The following COQ8A variants were observed in gnomAD, a reference collection of about 807,000 sequenced individuals.
The protein encoded by COQ8A is atypical kinase COQ8A, mitochondrial.
Under a neutral mutation model 65.0 loss-of-function variants are expected in COQ8A, and 51 were observed. That is an observed-to-expected ratio of 0.78 (90% CI 0.63 to 0.99). The LOEUF is 0.99. Ranked by LOEUF, COQ8A falls within the 50% of genes least tolerant of loss-of-function variation. The pLI is 0.00. For synonymous variants in COQ8A, 371 were observed against 353.2 expected (o/e 1.05, Z -0.57); for missense variants, 940 against 875.0 (o/e 1.07, Z -0.94).
At chr1:226,977,088 G>T (rs918477072) in intron 4 of COQ8A, among the ~76,000 whole-genome samples, 3 of 152,134 alleles carry the variant, frequency 2.0e-5, no homozygotes, top group Non-Finnish European at 2.9e-5. Flanking sequence ...GGTGACGTTG[G>T]TCTGTGGACC....
At chr1:226,979,084 TCTC>T (rs1317345859) in intron 5 of COQ8A, among the ~76,000 whole-genome samples, 9 of 152,182 alleles carry the variant, frequency 5.9e-5, no homozygotes, top group Non-Finnish European at 1.3e-4. Context: ...CCTGCAGGCT[TCTC>T]CTCACCAGCT....
intron 11 of COQ8A, 128 bp downstream of exon 11, chr1:226,984,363 GCACC>G: frequency 6.3e-6 from 9 of 1,434,668 alleles, no homozygotes; most frequent in Non-Finnish European, 8.6e-6. Flanking sequence ...CAGTGAAGTA[GCACC>G]AGTGGGACTT....
At position 226,982,176 on chromosome 1, in the gene COQ8A, C is replaced by CG. The variant is rs1471563828; in HGVS notation, c.853+30dup. 3.2e-6 allele frequency: 5 copies of CG among 1,554,312 alleles called. No individual in the cohort carries two copies. The African/African-American group carries it at 6.8e-5, about 21-fold the overall frequency. On this transcript the variant is annotated intron_variant, in intron 6 of 14. Transcript: ENST00000366777. ...TGAGTGGGCGCGGGGGCTGCTGCCC[C>CG]GGGACTGCGTGGGCTGCTGGGGGGG...
At position 226,965,103 on chromosome 1, in the gene COQ8A, C is replaced by T. The variant is rs1344240728; in HGVS notation, c.281C>T (p.Ser94Phe). Residue 94 changes from serine to phenylalanine, a missense_variant, in exon 3 of 15, where the codon TCT becomes TTT. Coordinates refer to ENST00000366777, the MANE Select transcript of COQ8A (RefSeq NM_020247.5). ...PHAAGASTDF[S>F]SASAPDQSAP... ...GCAGCCGGAGCCTCCACAGACTTCT[C>T]TTCAGCCTCCGCTCCCGACCAGTCA... is the stretch of plus-strand genomic sequence containing the variant. 1.2e-6 allele frequency: 2 copies of T among 1,613,902 alleles called. No individual in the cohort carries two copies. Among genetic ancestry groups the T allele is most frequent in the African/African-American group, 1.3e-5 (1 of 74,952 alleles).
chr1:226,981,948 C>T (rs966633205), intron 5 of COQ8A, 79 bp from the exon 6 acceptor site: 21 of 1,596,814 alleles, frequency 1.3e-5, no homozygotes, highest in Admixed American at 6.7e-5. Flanking sequence ...TCTGAGCCTC[C>T]GTCTGTATCA....
chr1:226,964,949 G>T, intron 2 of COQ8A, 51 bp from the exon 3 acceptor site: 3 of 1,603,930 alleles, frequency 1.9e-6, no homozygotes, highest in Non-Finnish European at 1.7e-6. Context: ...AGGCAGGGAG[G>T]AGCTCCTGGC....
chr1:226,955,968 A>G, intron 1 of COQ8A, among the ~76,000 whole-genome samples: 1 of 103,454 alleles, frequency 9.7e-6, no homozygotes, highest in East Asian at 3.0e-4. Flanking sequence ...TCCCTGATTC[A>G]CACTCTCCCT....
chr1:226,977,994 T>A (rs1445605951), intron 5 of COQ8A, among the ~76,000 whole-genome samples: 5 of 114,956 alleles, frequency 4.3e-5, no homozygotes, highest in East Asian at 5.4e-4. Flanking sequence ...CCCACACACC[T>A]CCTTATACCT....
chr1:226,961,604 G>T, intron 2 of COQ8A, 42 bp downstream of exon 2: 4 of 1,577,842 alleles, frequency 2.5e-6, no homozygotes, highest in Non-Finnish European at 3.4e-6. Flanking sequence ...GCAGGAAGAG[G>T]GTGGGACCTG....
At chr1:226,942,094 T>C (rs1473879110) in intron 1 of COQ8A, among the ~76,000 whole-genome samples, 1 of 152,086 alleles carries the variant, frequency 6.6e-6, no homozygotes, top group Non-Finnish European at 1.5e-5. Context: ...CTAGCCGTTG[T>C]GACCATCAAA....
chr1:226,981,367 G>A (rs1410371715), intron 5 of COQ8A, among the ~76,000 whole-genome samples: 1 of 152,200 alleles, frequency 6.6e-6, no homozygotes, highest in Non-Finnish European at 1.5e-5. Flanking sequence ...CCTCCCCTTG[G>A]TGGACTGGAA....
intron 1 of COQ8A, among the ~76,000 whole-genome samples, chr1:226,948,964 T>C (rs1291199022): frequency 6.6e-6 from 1 of 152,082 alleles, no homozygotes; most frequent in African/African-American, 2.4e-5. Flanking sequence ...GACAATATAA[T>C]AACTTATACC....
At chr1:226,978,583 CTCT>C (rs1659454819) in intron 5 of COQ8A, among the ~76,000 whole-genome samples, 4 of 95,764 alleles carry the variant, frequency 4.2e-5, no homozygotes, top group Non-Finnish European at 5.6e-5. Flanking sequence ...ACCTTACACA[CTCT>C]CCACACACTC....
At chr1:226,982,195 G>T in intron 6 of COQ8A, 46 bp downstream of exon 6, 2 of 1,540,646 alleles carry the variant, frequency 1.3e-6, no homozygotes, top group Non-Finnish European at 1.8e-6. Context: ...GTGGGCTGCT[G>T]GGGGGGTCAA....
Position 226,984,548 on chromosome 1 carries a change from A to T in COQ8A, c.1399A>T (p.Ile467Phe). The T allele has an allele frequency of 6.2e-7, 1 of 1,612,902 alleles. No homozygotes were observed. Among genetic ancestry groups the T allele is most frequent in the Non-Finnish European group, 8.5e-7 (1 of 1,178,836 alleles). ...EGLSQEIRNE[I>F]CYNILVLCLR... ...CACAGACCCTTCGCGCTGTCCACAG[A>T]TCTGCTACAACATCCTGGTTCTGTG... The change falls in exon 12 of 15, where the codon ATC becomes TTC. Residue 467 changes from isoleucine (I) to phenylalanine (F), a missense_variant and splice_region_variant. Ile to Phe is a conservative substitution (Grantham distance 21). Coordinates refer to ENST00000366777, the MANE Select transcript of COQ8A (RefSeq NM_020247.5).
At chr1:226,966,143 C>T (rs186187584) in intron 4 of COQ8A, among the ~76,000 whole-genome samples, 99 of 149,878 alleles carry the variant, frequency 6.6e-4, no homozygotes, top group East Asian at 5.3e-3. Context: ...TGTTCAGCAA[C>T]TCAGCAGGGC....
chr1:226,985,340 G>A lies in COQ8A; in HGVS notation c.1659G>A (p.Lys553=). 6.2e-7 allele frequency: 1 copy of A among 1,613,498 alleles called. No homozygotes were observed. Among genetic ancestry groups the A allele is most frequent in the African/African-American group, 1.3e-5 (1 of 75,054 alleles). The change falls in exon 14 of 15, where the codon AAG becomes AAA. Residue 553 remains lysine (K), a splice_region_variant and synonymous_variant. Transcript: ENST00000366777. ...EMKFLTGYEV[K]VMEDAHLDAI... ...AGTTCCTCACCGGCTACGAGGTCAA[G>A]GTGAGCAGGGTTGCGGGGGATCCCC...
chr1:226,960,387 T>TGGTGGTGGTG (rs1558187375), intron 1 of COQ8A, among the ~76,000 whole-genome samples: 1 of 15,844 alleles, frequency 6.3e-5, no homozygotes, highest in Non-Finnish European at 1.6e-4. Flanking sequence ...TACTTGGTGG[T>TGGTGGTGGTG]GTCAGTGGTG....
chr1:226,968,576 A>G (rs1658696270), intron 4 of COQ8A, among the ~76,000 whole-genome samples: 1 of 152,040 alleles, frequency 6.6e-6, no homozygotes, highest in African/African-American at 2.4e-5. Flanking sequence ...TCTTCCCTTC[A>G]TGGAGGAAAG....
Sources: gnomAD v4.1 joint callset for allele counts (sites outside exome capture counted in the v4.1 genomes callset) on GRCh38, gnomAD v4.1.1 for gene constraint, MANE v1.5 for transcripts, NCBI Gene and HGNC (gene_info 2026-07-23, HGNC 2026-07-21) for gene names.